Variants in PPP2R2C observed in about 807,000 individuals in gnomAD.
PPP2R2C encodes the protein protein phosphatase 2 regulatory subunit Bgamma.
A neutral mutation model predicts 45.3 loss-of-function variants in PPP2R2C; 10 were observed. The ratio of observed to expected loss-of-function variants is 0.22; its 90% CI spans 0.14 to 0.37. The LOEUF is 0.37. PPP2R2C is among the 10% of genes least tolerant of loss of function. PPP2R2C has a pLI of 1.00. For missense variants in PPP2R2C, 308 were observed against 619.7 expected (o/e 0.50, Z 5.34); for synonymous variants, 257 against 245.4 (o/e 1.05, Z -0.44).
At chr4:6,341,939 A>G (rs568994877) in intron 6 of PPP2R2C, among the ~76,000 whole-genome samples, 1 of 152,256 alleles carries the variant, frequency 6.6e-6, no homozygotes, top group East Asian at 1.9e-4. Context: ...CACTAAGCTC[A>G]TGGCAATTGT....
intron 1 of PPP2R2C, among the ~76,000 whole-genome samples, chr4:6,540,200 A>G (rs1182868635): frequency 6.6e-6 from 1 of 152,114 alleles, no homozygotes; most frequent in Non-Finnish European, 1.5e-5. Context: ...AAAAGAAACC[A>G]CATGTTCATT....
chr4:6,417,292 C>A (rs1484327680), intron 1 of PPP2R2C, among the ~76,000 whole-genome samples: 1 of 152,228 alleles, frequency 6.6e-6, no homozygotes, highest in Non-Finnish European at 1.5e-5. Context: ...CATCACCAGG[C>A]CCCATCCACG....
chr4:6,541,962 G>A (rs908913924), intron 1 of PPP2R2C, among the ~76,000 whole-genome samples: 6 of 152,312 alleles, frequency 3.9e-5, no homozygotes, highest in South Asian at 2.1e-4. Flanking sequence ...AATATTTCTC[G>A]AAGACCTAGC....
intron 1 of PPP2R2C, among the ~76,000 whole-genome samples, chr4:6,419,173 T>G (rs1391660997): frequency 6.6e-6 from 1 of 152,174 alleles, no homozygotes; most frequent in African/African-American, 2.4e-5. Context: ...ATCCTAGCAC[T>G]TTGGGAGGCT....
chr4:6,362,243 A>T (rs1214856245), intron 5 of PPP2R2C, among the ~76,000 whole-genome samples: 1 of 152,066 alleles, frequency 6.6e-6, no homozygotes, highest in Non-Finnish European at 1.5e-5. Context: ...ATGGAGTATG[A>T]GCTATGAGGG....
At chr4:6,403,035 C>T (rs1369057512) in intron 1 of PPP2R2C, among the ~76,000 whole-genome samples, 2 of 152,192 alleles carry the variant, frequency 1.3e-5, no homozygotes, top group African/African-American at 4.8e-5. Context: ...TAAGACCAGG[C>T]GGCAGGAGGG....
At chr4:6,350,215 T>G in intron 5 of PPP2R2C, 1 of 985,436 alleles carries the variant, frequency 1.0e-6, no homozygotes, top group Non-Finnish European at 1.2e-6. Context: ...CCTCCTGCCA[T>G]GCTGATTTCT....
chr4:6,509,621 C>T (rs886719252), intron 2 of PPP2R2C, among the ~76,000 whole-genome samples: 1 of 152,204 alleles, frequency 6.6e-6, no homozygotes, highest in Non-Finnish European at 1.5e-5. Flanking sequence ...TCTAGTCCAA[C>T]GAAGCCACCC....
intron 5 of PPP2R2C, among the ~76,000 whole-genome samples, chr4:6,356,586 C>T (rs1055881506): frequency 2.6e-5 from 4 of 152,244 alleles, no homozygotes; most frequent in Non-Finnish European, 4.4e-5. Context: ...TCCCCAACTT[C>T]AGAAGGGCAA....
intron 1 of PPP2R2C, among the ~76,000 whole-genome samples, chr4:6,435,083 T>A (rs964018914): frequency 6.6e-6 from 1 of 152,120 alleles, no homozygotes; most frequent in Non-Finnish European, 1.5e-5. Context: ...GTGCCTTAAA[T>A]TTTTTTTATT....
chr4:6,321,669 A>C lies in PPP2R2C; in HGVS notation c.*1633T>G, dbSNP rs79992697. On this transcript the variant is annotated 3_prime_UTR_variant, in exon 9 of 9. Transcript: ENST00000382599. ...GTAAAAAACAAAACAAAACAAAACC[A>C]AAAAAAAAGTTTGGATTTGGCTGGG... The C allele has an allele frequency of 4.2e-5, 1 of 23,790 alleles. No homozygotes were observed. The highest frequency in any genetic ancestry group is 8.8e-5 in the Non-Finnish European group (1 of 11,360). 1.5% of individuals were successfully genotyped at this position (23,790 alleles called of 1,614,324 possible). A position where few individuals can be genotyped will look rare whatever the true frequency, so the allele number is the denominator to read the frequency against.
intron 5 of PPP2R2C, chr4:6,349,281 G>C (rs1712308779): frequency 1.0e-6 from 1 of 985,394 alleles, no homozygotes; most frequent in South Asian, 4.7e-5. Flanking sequence ...GGAAGGTCTG[G>C]GGTTTGAATC....
chr4:6,418,931 C>T (rs556520014), intron 1 of PPP2R2C, among the ~76,000 whole-genome samples: 4 of 152,296 alleles, frequency 2.6e-5, no homozygotes, highest in South Asian at 2.1e-4. Context: ...AGACAGGAGG[C>T]GGGCACCAGC....
chr4:6,372,883 A>G (rs1714969088), intron 4 of PPP2R2C, among the ~76,000 whole-genome samples, 183 bp from the exon 5 acceptor site: 1 of 152,238 alleles, frequency 6.6e-6, no homozygotes, highest in African/African-American at 2.4e-5. Context: ...CAGCCCTGCA[A>G]GAGAGGCATG....
intron 1 of PPP2R2C, chr4:6,384,632 A>T: frequency 4.1e-6 from 4 of 985,470 alleles, no homozygotes; most frequent in Non-Finnish European, 4.8e-6. Flanking sequence ...AAATGCCAAT[A>T]TAACTATTGC....
At chr4:6,423,899 G>C (rs1334530131) in intron 1 of PPP2R2C, among the ~76,000 whole-genome samples, 1 of 152,172 alleles carries the variant, frequency 6.6e-6, no homozygotes, top group African/African-American at 2.4e-5. Flanking sequence ...TTTTGAGAGT[G>C]TGTTAGGGTT....
At chr4:6,457,578 T>C (rs529954234) in intron 1 of PPP2R2C, among the ~76,000 whole-genome samples, 9 of 152,192 alleles carry the variant, frequency 5.9e-5, no homozygotes, top group African/African-American at 1.9e-4. Context: ...CTCACTATAT[T>C]GCCCAGGCTG....
chr4:6,486,476 G>A (rs776520948), intron 2 of PPP2R2C, among the ~76,000 whole-genome samples: 32 of 151,958 alleles, frequency 2.1e-4, no homozygotes, highest in Non-Finnish European at 2.9e-4. Context: ...GAAGGTTATT[G>A]AAACCTCCAA....
At chr4:6,536,979 G>A (rs1356919667) in intron 1 of PPP2R2C, among the ~76,000 whole-genome samples, 1 of 152,164 alleles carries the variant, frequency 6.6e-6, no homozygotes, top group Non-Finnish European at 1.5e-5. Context: ...GAGGTGGGCA[G>A]ATCACCTGAA....
Sources: allele counts gnomAD v4.1 joint callset (sites outside exome capture counted in the v4.1 genomes callset), GRCh38; gene constraint gnomAD v4.1.1; transcripts MANE v1.5; gene names NCBI Gene and HGNC (gene_info 2026-07-23, HGNC 2026-07-21).